DERL1: variants seen among roughly 807,000 people sequenced by gnomAD.
The protein encoded by DERL1 is derlin 1.
DERL1 carries 24 observed loss-of-function variants against 41.6 expected under a neutral mutation model. The observed-to-expected ratio is 0.58, with a 90% confidence interval of 0.42 to 0.81. DERL1 has a LOEUF of 0.81. Among genes scored for constraint, DERL1 ranks in the 30% least tolerant of loss-of-function variants. DERL1 has a pLI of 0.00. For missense variants in DERL1, 260 were observed against 314.3 expected, an observed-to-expected ratio of 0.83 and a Z score of 1.31; for synonymous variants, 124 against 112.5, an observed-to-expected ratio of 1.10 and a Z score of -0.65.
At chr8:123,036,163 T>G (rs557774294) in intron 1 of DERL1, among the ~76,000 whole-genome samples, 1 of 152,222 alleles carries the variant, frequency 6.6e-6, no homozygotes, top group Non-Finnish European at 1.5e-5. Context: ...CACCAAGAAG[T>G]ACATATGTTC....
At chr8:123,037,398 T>C (rs1033358815) in intron 1 of DERL1, among the ~76,000 whole-genome samples, 1 of 152,222 alleles carries the variant, frequency 6.6e-6, no homozygotes, top group Non-Finnish European at 1.5e-5. Context: ...ATTAAATTGA[T>C]GGTGCATCGT....
rs1814693286 is a variant in DERL1, at chr8:123,019,320, A to C, written c.507-15T>G. On this transcript the variant is annotated splice_polypyrimidine_tract_variant and intron_variant, in intron 6 of 7. Transcript: ENST00000259512. ...CATTGATTACCCTGCAAAGAGAGCC[A>C]AATGAGTTTAAAGACATTCAAGCAA... 1.9e-6 allele frequency: 3 copies of C among 1,564,608 alleles called. No homozygotes were observed. Among genetic ancestry groups the C allele is most frequent in the Non-Finnish European group, 2.6e-6 (3 of 1,135,762 alleles).
In DERL1 at chr8:123,022,903, G is replaced by A. The variant is rs549786642; in HGVS notation, c.358-124C>T. ...CACCTGGGTAAAGGGAAACTCAACT[G>A]ATCAGAATTATAAATTGATCCTATT... On this transcript the variant is annotated intron_variant, in intron 4 of 7. Coordinates refer to ENST00000259512, the MANE Select transcript of DERL1 (RefSeq NM_024295.6). The A allele has an allele frequency of 1.4e-5, 9 of 632,628 alleles. No individual in the cohort carries two copies. In the East Asian group the frequency reaches 1.9e-4, roughly 13 times the overall value. The allele number at this position is 632,628 out of a possible 1,614,324, so 39.2% of individuals were successfully genotyped here. A position where few individuals can be genotyped will look rare whatever the true frequency, so the allele number is the denominator to read the frequency against.
intron 7 of DERL1, chr8:123,018,181 G>A (rs541809709): frequency 6.6e-6 from 1 of 152,090 alleles, no homozygotes; most frequent in Non-Finnish European, 1.5e-5. Flanking sequence ...TGGTTTGTTT[G>A]TTTTTTTAAA....
chr8:123,036,902 C>A (rs1219836855), intron 1 of DERL1, among the ~76,000 whole-genome samples: 1 of 152,132 alleles, frequency 6.6e-6, no homozygotes, highest in Non-Finnish European at 1.5e-5. Flanking sequence ...AAAAGCTTGG[C>A]AAATATAAGC....
chr8:123,031,778 T>C (rs1812821261), intron 1 of DERL1, among the ~76,000 whole-genome samples: 1 of 152,224 alleles, frequency 6.6e-6, no homozygotes, highest in Admixed American at 6.5e-5. Flanking sequence ...GTATTCCTTG[T>C]ATGTGAATGT....
At chr8:123,024,950 T>A in intron 3 of DERL1, 36 bp downstream of exon 3, 1 of 1,604,302 alleles carries the variant, frequency 6.2e-7, no homozygotes, top group Non-Finnish European at 8.5e-7. Context: ...AAAAAACTGG[T>A]TTATTTCTGG....
At position 123,015,553 on chromosome 8, in the gene DERL1, A is replaced by C. The variant is rs1814543310; in HGVS notation, c.650T>G (p.Val217Gly). The C allele has an allele frequency of 1.2e-6, 2 of 1,610,880 alleles. No individual in the cohort carries two copies. Among genetic ancestry groups the C allele is most frequent in the Non-Finnish European group, 1.7e-6 (2 of 1,178,644 alleles). Reference protein sequence around the residue: ...YRWLPSRRGGVSGFGVPPASM... With the variant: ...YRWLPSRRGGGSGFGVPPASM... ...AGCAGGGGGCACACCAAATCCTGATACTCCTCCTCTCCTACTGGGCAGCCA... is the reference window on the plus strand; with the variant it reads ...AGCAGGGGGCACACCAAATCCTGATCCTCCTCCTCTCCTACTGGGCAGCCA... Residue 217 changes from valine to glycine, a missense_variant, in exon 8 of 8, where the codon GTA becomes GGA. By Grantham distance (109) the Val-to-Gly change is moderately radical. Transcript: ENST00000259512.
intron 5 of DERL1, 65 bp from the exon 6 acceptor site, chr8:123,021,564 G>T (rs769465029): frequency 7.7e-5 from 110 of 1,420,972 alleles, no homozygotes; most frequent in Non-Finnish European, 1.1e-4. Flanking sequence ...GCTACTACGG[G>T]GACTAAAGTG....
intron 1 of DERL1, among the ~76,000 whole-genome samples, chr8:123,037,504 A>C (rs1427774027): frequency 6.6e-6 from 1 of 152,224 alleles, no homozygotes; most frequent in Non-Finnish European, 1.5e-5. Flanking sequence ...TAACTTGCCT[A>C]AGGGTACACA....
At chr8:123,019,630 T>C (rs1471214985) in intron 6 of DERL1, among the ~76,000 whole-genome samples, 3 of 152,226 alleles carry the variant, frequency 2.0e-5, no homozygotes, top group Non-Finnish European at 4.4e-5. Context: ...AGCATGCTTC[T>C]GAATGCTTTC....
At chr8:123,024,841 T>A (rs534757941) in intron 3 of DERL1, 145 bp downstream of exon 3, 304 of 814,026 alleles carry the variant, frequency 3.7e-4, no homozygotes, top group African/African-American at 2.0e-3. Flanking sequence ...CAGTTTTTTT[T>A]AAAAAACTAT....
chr8:123,037,680 G>A (rs1425635637), intron 1 of DERL1, among the ~76,000 whole-genome samples: 1 of 152,162 alleles, frequency 6.6e-6, no homozygotes, highest in Non-Finnish European at 1.5e-5. Context: ...TAGATATTAT[G>A]CAAAGGAGTT....
intron 1 of DERL1, among the ~76,000 whole-genome samples, chr8:123,033,645 A>G (rs1812863894): frequency 6.6e-6 from 1 of 152,236 alleles, no homozygotes; most frequent in Non-Finnish European, 1.5e-5. Flanking sequence ...CGGGAGGCTG[A>G]GGCAGGAGAA....
chr8:123,015,738 T>C, intron 7 of DERL1, 153 bp from the exon 8 acceptor site: 1 of 962,914 alleles, frequency 1.0e-6, no homozygotes, highest in Non-Finnish European at 1.5e-6. Context: ...AACTTTGTCT[T>C]TTCTGTACTC....
intron 7 of DERL1, chr8:123,017,882 G>C (rs1814618869): frequency 6.6e-6 from 1 of 152,134 alleles, no homozygotes. Flanking sequence ...TTGATAATTA[G>C]AAACCAGATT....
Position 123,042,186 on chromosome 8 carries a change from A to T in DERL1, c.-64T>A, listed in dbSNP as rs1056303999. On this transcript the variant is annotated 5_prime_UTR_variant, in exon 1 of 8. Transcript: ENST00000259512. ...GACTCCCCGTGCCGACCCCCTCACG[A>T]CGCGGCCGGCTCCGCGACTGTTAGG... The T allele has an allele frequency of 5.0e-5, 75 of 1,496,842 alleles. 1 individual carries two copies. In the Admixed American group the frequency reaches 1.5e-3, roughly 30 times the overall value. The allele number at this position is 1,496,842 out of a possible 1,614,324, so 92.7% of individuals were successfully genotyped here.
chr8:123,021,383 G>T, intron 6 of DERL1, 64 bp downstream of exon 6: 1 of 1,450,794 alleles, frequency 6.9e-7, no homozygotes, highest in Non-Finnish European at 9.7e-7. Flanking sequence ...GTTAGAGAAA[G>T]ATAAAAACTA....
intron 1 of DERL1, among the ~76,000 whole-genome samples, chr8:123,035,146 A>G (rs753762940): frequency 7.2e-5 from 11 of 152,242 alleles, no homozygotes; most frequent in Non-Finnish European, 1.2e-4. Flanking sequence ...TGCTGATGAC[A>G]TAAGACTATT....
Sources: gnomAD v4.1 joint callset for allele counts (sites outside exome capture counted in the v4.1 genomes callset) on GRCh38, gnomAD v4.1.1 for gene constraint, MANE v1.5 for transcripts, NCBI Gene and HGNC (gene_info 2026-07-23, HGNC 2026-07-21) for gene names.